CCSER1: variants seen among roughly 807,000 people sequenced by gnomAD.
The protein encoded by CCSER1 is coiled-coil serine rich protein 1.
A neutral mutation model predicts 82.0 loss-of-function variants in CCSER1; 41 were observed. The ratio of observed to expected loss-of-function variants is 0.50; its 90% CI spans 0.39 to 0.65. The LOEUF (loss-of-function observed/expected upper bound fraction) is 0.65, where lower values mean the gene tolerates loss of function less well. CCSER1 is among the 30% of genes least tolerant of loss of function. The pLI is 0.00. For missense variants in CCSER1, 1,119 were observed against 1,064.2 expected (o/e 1.05, Z -0.72); for synonymous variants, 414 against 383.9 (o/e 1.08, Z -0.92).
intron 10 of CCSER1, among the ~76,000 whole-genome samples, chr4:91,258,806 T>C (rs1740890695): frequency 6.6e-6 from 1 of 152,170 alleles, no homozygotes. Context: ...ATAAATATTA[T>C]TCATTTAATC....
At chr4:91,223,726 A>C (rs986701309) in intron 10 of CCSER1, among the ~76,000 whole-genome samples, 12 of 152,084 alleles carry the variant, frequency 7.9e-5, no homozygotes, top group African/African-American at 2.2e-4. Context: ...TTTATTGAGG[A>C]TGTCCAAAGA....
chr4:91,575,137 A>G (rs1397133053), intron 10 of CCSER1, among the ~76,000 whole-genome samples: 2 of 152,040 alleles, frequency 1.3e-5, no homozygotes, highest in African/African-American at 4.8e-5. Flanking sequence ...TTCAATAAAT[A>G]CTGTTGGGAA....
chr4:91,177,762 A>G (rs1370538616), intron 10 of CCSER1, among the ~76,000 whole-genome samples: 2 of 152,160 alleles, frequency 1.3e-5, no homozygotes, highest in Non-Finnish European at 2.9e-5. Context: ...TTTTCAAAAA[A>G]CAATCTCCTG....
intron 10 of CCSER1, among the ~76,000 whole-genome samples, chr4:91,372,455 A>C (rs991655023): frequency 1.3e-5 from 2 of 152,108 alleles, no homozygotes. Context: ...TACCTTTCTT[A>C]ATAATACATT....
rs531670665 is a variant in CCSER1 at position 91,118,367 on chromosome 4, C to T, written c.2217+32373C>T. 4.0e-5 allele frequency among the ~76,000 whole-genome samples: 6 copies of T among 151,154 alleles called. No homozygotes were observed. The South Asian group carries it at 8.4e-4, about 21-fold the overall frequency. ...ATGGCTCACTACAGCCTCAAGGTCC[C>T]GGGCTCAAGCAATCTTCACACGTCA... On this transcript the variant is annotated intron_variant, in intron 10 of 10. Coordinates refer to ENST00000509176, the MANE Select transcript of CCSER1 (RefSeq NM_001145065.2).
chr4:91,570,689 C>G (rs1026336514), intron 10 of CCSER1, among the ~76,000 whole-genome samples: 2 of 152,122 alleles, frequency 1.3e-5, no homozygotes, highest in African/African-American at 4.8e-5. Flanking sequence ...TGGCTTTGGG[C>G]CTGGCCCAGG....
intron 4 of CCSER1, among the ~76,000 whole-genome samples, chr4:90,444,017 G>T (rs937435745): frequency 6.6e-6 from 1 of 151,954 alleles, no homozygotes; most frequent in African/African-American, 2.4e-5. Context: ...TGTAGAATTT[G>T]TGAATTTGTG....
intron 9 of CCSER1, among the ~76,000 whole-genome samples, chr4:91,002,389 T>C (rs1220592402): frequency 1.3e-5 from 2 of 152,208 alleles, no homozygotes; most frequent in African/African-American, 4.8e-5. Context: ...GAATACCAGT[T>C]ATTCTTAGGT....
chr4:90,172,426 T>C (rs1731884168), intron 1 of CCSER1, among the ~76,000 whole-genome samples: 1 of 152,012 alleles, frequency 6.6e-6, no homozygotes, highest in Admixed American at 6.6e-5. Context: ...AAGATTCTTT[T>C]AGTAATAGCT....
At chr4:90,283,253 T>C (rs891693257) in intron 1 of CCSER1, among the ~76,000 whole-genome samples, 1 of 152,140 alleles carries the variant, frequency 6.6e-6, no homozygotes. Flanking sequence ...TTTGAATGAT[T>C]ATGTGGCATT....
At chr4:90,699,705 T>C (rs1737664803) in intron 6 of CCSER1, among the ~76,000 whole-genome samples, 1 of 152,220 alleles carries the variant, frequency 6.6e-6, no homozygotes, top group Admixed American at 6.5e-5. Flanking sequence ...CCTTCTGCTG[T>C]ATGAATCTGC....
At chr4:91,566,768 A>G (rs58856947) in intron 10 of CCSER1, among the ~76,000 whole-genome samples, 2,542 of 150,938 alleles carry the variant, frequency 0.017, 74 homozygotes, top group African/African-American at 0.059. Flanking sequence ...GTTTATTTGG[A>G]TCTTCTCTCT....
intron 5 of CCSER1, among the ~76,000 whole-genome samples, chr4:90,536,850 A>T (rs1378699546): frequency 2.0e-5 from 3 of 152,324 alleles, no homozygotes; most frequent in African/African-American, 7.2e-5. Flanking sequence ...TTTGAGGTAT[A>T]TTCTTTTAGG....
At chr4:90,841,072 G>A (rs1762509273) in intron 8 of CCSER1, among the ~76,000 whole-genome samples, 1 of 152,152 alleles carries the variant, frequency 6.6e-6, no homozygotes, top group African/African-American at 2.4e-5. Flanking sequence ...AGCAGCTAGA[G>A]TAAGTTGTCA....
chr4:91,254,067 C>A (rs1740483079), intron 10 of CCSER1, among the ~76,000 whole-genome samples: 1 of 152,112 alleles, frequency 6.6e-6, no homozygotes, highest in Non-Finnish European at 1.5e-5. Flanking sequence ...ATATCAGTAA[C>A]AGACTATCAA....
intron 10 of CCSER1, among the ~76,000 whole-genome samples, chr4:91,494,340 A>C (rs1159256652): frequency 6.6e-6 from 1 of 151,802 alleles, no homozygotes; most frequent in Non-Finnish European, 1.5e-5. Flanking sequence ...ATCATACAAT[A>C]TCTCTCCATG....
chr4:91,305,657 GTA>G lies in CCSER1; in HGVS notation c.2217+219665_2217+219666del, dbSNP rs1413952090. ...ATTTTCTGTTTTTGTCAGTGTGTAT[GTA>G]TGTGTGTGTGTGTGTGTGCATGTGT... On this transcript the variant is annotated intron_variant, in intron 10 of 10. Transcript: ENST00000509176. Among the ~76,000 whole-genome samples the G allele has an allele frequency of 2.0e-5, 3 of 151,648 alleles. No individual in the cohort carries two copies. The South Asian group carries it at 6.2e-4, about 31-fold the overall frequency.
chr4:90,979,478 A>G (rs1006372230), intron 9 of CCSER1, among the ~76,000 whole-genome samples: 4 of 151,726 alleles, frequency 2.6e-5, no homozygotes, highest in Admixed American at 2.6e-4. Flanking sequence ...ATTTGTTTAT[A>G]TGGTGTGTGG....
At chr4:90,206,085 T>C (rs933586086) in intron 1 of CCSER1, among the ~76,000 whole-genome samples, 1 of 138,690 alleles carries the variant, frequency 7.2e-6, no homozygotes, top group African/African-American at 3.0e-5. Flanking sequence ...GATTCTTCTC[T>C]CTTTTCTTCT....
Sources: gnomAD v4.1 joint callset for allele counts (sites outside exome capture counted in the v4.1 genomes callset) on GRCh38, gnomAD v4.1.1 for gene constraint, MANE v1.5 for transcripts, NCBI Gene and HGNC (gene_info 2026-07-23, HGNC 2026-07-21) for gene names.